KANK1: variants seen among roughly 807,000 people sequenced by gnomAD.
KANK1 encodes the protein KN motif and ankyrin repeat domains 1, also known as KN motif and ankyrin repeat domain-containing protein 1.
Under a neutral mutation model 106.2 loss-of-function variants are expected in KANK1, and 109 were observed. That is an observed-to-expected ratio of 1.03 (90% confidence interval 0.88 to 1.20). KANK1 has a LOEUF of 1.20. Among genes scored for constraint, KANK1 ranks in the 50% most tolerant of loss-of-function variants. KANK1 has a pLI of 0.00. For missense variants in KANK1, 2,399 were observed against 1,710.7 expected, an observed-to-expected ratio of 1.40 and a Z score of -7.10; for synonymous variants, 873 against 652.2, an observed-to-expected ratio of 1.34 and a Z score of -5.16.
rs1751525066 is a variant in KANK1 at position 592,696 on chromosome 9, T to C, written c.-83-84194T>C. On this transcript the variant is annotated intron_variant, in intron 1 of 11. Transcript: ENST00000382297. ...CACATTTTAAAATATTTTATCTGTA[T>C]GAAACTTAGTTTGAAATGTGACTTG... Among the ~76,000 whole-genome samples the C allele has an allele frequency of 2.0e-5, 3 of 151,980 alleles. 1 individual carries two copies. In the South Asian group the frequency reaches 6.2e-4, roughly 31 times the overall value.
At chr9:720,862 A>G (rs1829125659) in intron 3 of KANK1, among the ~76,000 whole-genome samples, 2 of 152,208 alleles carry the variant, frequency 1.3e-5, no homozygotes, top group Non-Finnish European at 2.9e-5. Flanking sequence ...ATGAACATCT[A>G]CCATTAGTGG....
At chr9:542,775 A>G (rs917713415) in intron 1 of KANK1, among the ~76,000 whole-genome samples, 3 of 152,226 alleles carry the variant, frequency 2.0e-5, no homozygotes, top group Non-Finnish European at 4.4e-5. Context: ...CTATTCATAA[A>G]TGAAATAGCC....
intron 2 of KANK1, among the ~76,000 whole-genome samples, chr9:691,024 G>A (rs1045535362): frequency 6.6e-6 from 1 of 152,202 alleles, no homozygotes; most frequent in Non-Finnish European, 1.5e-5. Flanking sequence ...ATAGGTGTGT[G>A]TTTCTCTCTT....
intron 1 of KANK1, among the ~76,000 whole-genome samples, chr9:524,353 A>G (rs2059686270): frequency 7.9e-6 from 1 of 126,246 alleles, no homozygotes. Context: ...TGACTTTTCA[A>G]GTAACTTTTT....
chr9:653,808 C>G (rs7357820), intron 1 of KANK1, among the ~76,000 whole-genome samples: 31,763 of 152,164 alleles, frequency 0.21, 5,603 homozygotes, highest in East Asian at 0.56. Context: ...GGAAGATGAA[C>G]AAGCCTCATC....
chr9:554,550 G>A (rs1002799965), intron 1 of KANK1, among the ~76,000 whole-genome samples: 7 of 152,204 alleles, frequency 4.6e-5, no homozygotes, highest in Admixed American at 1.3e-4. Context: ...CTGATTTTCA[G>A]TGTGAAAATA....
At chr9:730,412 C>G in intron 4 of KANK1, 164 bp downstream of exon 4, 1 of 771,854 alleles carries the variant, frequency 1.3e-6, no homozygotes, top group Non-Finnish European at 2.1e-6. Context: ...ACCAAAGAGG[C>G]CGGGCATGGT....
intron 1 of KANK1, among the ~76,000 whole-genome samples, chr9:603,785 C>T (rs1471263387): frequency 4.6e-5 from 7 of 150,966 alleles, no homozygotes; most frequent in Non-Finnish European, 8.8e-5. Flanking sequence ...GCGAAACCCA[C>T]CCCGTCTCTA....
intron 2 of KANK1, among the ~76,000 whole-genome samples, chr9:700,802 CA>C (rs1564011327): frequency 6.6e-6 from 1 of 152,148 alleles, no homozygotes. Context: ...AGTTGTGGCA[CA>C]GGGGTGTAAT....
At chr9:661,851 T>C (rs13290765) in intron 1 of KANK1, among the ~76,000 whole-genome samples, 126,573 of 151,114 alleles carry the variant, frequency 0.84, 53,150 homozygotes, top group East Asian at 0.96. Context: ...ATTGTGGTTT[T>C]GATTTGCATT....
chr9:692,172 G>A (rs1820109220), intron 2 of KANK1, among the ~76,000 whole-genome samples: 1 of 152,134 alleles, frequency 6.6e-6, no homozygotes, highest in South Asian at 2.1e-4. Flanking sequence ...GGCTCATCTT[G>A]GTGCCTGCAC....
intron 1 of KANK1, among the ~76,000 whole-genome samples, chr9:607,808 A>C (rs927904960): frequency 8.6e-5 from 13 of 151,658 alleles, no homozygotes; most frequent in African/African-American, 3.2e-4. Flanking sequence ...TAGGCAAAGA[A>C]AAAAAGCGCC....
chr9:663,465 C>T (rs1363423131), intron 1 of KANK1, among the ~76,000 whole-genome samples: 1 of 152,108 alleles, frequency 6.6e-6, no homozygotes, highest in Non-Finnish European at 1.5e-5. Flanking sequence ...GTACCTATAC[C>T]GAGTCATAAA....
At chr9:684,354 G>T in intron 2 of KANK1, 1 of 985,394 alleles carries the variant, frequency 1.0e-6, no homozygotes, top group Non-Finnish European at 1.2e-6. Flanking sequence ...AAACCCTTTG[G>T]TTGGGGATTT....
At chr9:514,592 A>G (rs1444285235) in intron 1 of KANK1, among the ~76,000 whole-genome samples, 4 of 151,272 alleles carry the variant, frequency 2.6e-5, no homozygotes, top group Non-Finnish European at 4.4e-5. Flanking sequence ...GCTTCTCTCC[A>G]TGTTATATTT....
intron 1 of KANK1, among the ~76,000 whole-genome samples, chr9:562,439 T>C (rs975598521): frequency 6.6e-6 from 1 of 152,158 alleles, no homozygotes; most frequent in African/African-American, 2.4e-5. Flanking sequence ...CTGCTCTAGA[T>C]CATGTTCCCA....
At chr9:671,902 C>T (rs10815457) in intron 1 of KANK1, among the ~76,000 whole-genome samples, 98,090 of 151,322 alleles carry the variant, frequency 0.65, 32,775 homozygotes, top group East Asian at 0.9. Context: ...GAGCTGAGAT[C>T]GCGCCACTGC....
In KANK1 at chr9:711,531, G is replaced by T; in HGVS notation, c.765G>T (p.Val255=). Residue 255 remains valine (V), a synonymous_variant, in exon 3 of 12, where the codon GTG becomes GTT. Coordinates refer to ENST00000382297, the MANE Select transcript of KANK1 (RefSeq NM_015158.5). Reference sequence around the variant, plus strand: ...GGATCTCCACCCCAGTGACCAACGTGAGCCCCATGCACCTGCAGCACATCC... The same window carrying T: ...GGATCTCCACCCCAGTGACCAACGTTAGCCCCATGCACCTGCAGCACATCC... ...SSGISTPVTN[V]SPMHLQHIRE... is the part of the protein sequence containing the mutation. The T allele has an allele frequency of 6.2e-7, 1 of 1,613,832 alleles. No homozygotes were observed. The highest frequency in any genetic ancestry group is 2.2e-5 in the East Asian group (1 of 44,878).
At chr9:726,150 A>G (rs1283917489) in intron 3 of KANK1, among the ~76,000 whole-genome samples, 2 of 151,636 alleles carry the variant, frequency 1.3e-5, no homozygotes, top group East Asian at 1.9e-4. Context: ...TTTTTTTCCC[A>G]TGAGTCAAAC....
Sources: allele counts gnomAD v4.1 joint callset (sites outside exome capture counted in the v4.1 genomes callset), GRCh38; gene constraint gnomAD v4.1.1; transcripts MANE v1.5; gene names NCBI Gene and HGNC (gene_info 2026-07-23, HGNC 2026-07-21).